FGF2: variants seen among roughly 807,000 people sequenced by gnomAD.
FGF2 encodes basic fibroblast growth factor bFGF.
Under a neutral mutation model 15.9 loss-of-function variants are expected in FGF2, and 13 were observed. The observed-to-expected ratio is 0.82, with a 90% CI of 0.53 to 1.30. The LOEUF (loss-of-function observed/expected upper bound fraction) is 1.30, where lower values mean the gene tolerates loss of function less well. FGF2 is among the 50% of genes most tolerant of loss of function. The probability of loss-of-function intolerance (pLI) is 0.00; values close to 1 mark genes in which losing one functional copy is unlikely to be tolerated. For missense variants in FGF2, 163 were observed against 196.9 expected (o/e 0.83, Z 1.03); for synonymous variants, 90 against 78.4 (o/e 1.15, Z -0.78).
chr4:122,866,371 A>AG (rs1330369534), intron 1 of FGF2, among the ~76,000 whole-genome samples: 1 of 143,890 alleles, frequency 6.9e-6, no homozygotes, highest in Non-Finnish European at 1.5e-5. Flanking sequence ...CCGTCTCAAA[A>AG]AAAAAAAAAA....
At chr4:122,878,362 T>C (rs1205972195) in intron 2 of FGF2, among the ~76,000 whole-genome samples, 1 of 152,054 alleles carries the variant, frequency 6.6e-6, no homozygotes, top group Non-Finnish European at 1.5e-5. Context: ...GAAATTGAGA[T>C]GAAGGTATAG....
chr4:122,831,073 A>T (rs961090262), intron 1 of FGF2, among the ~76,000 whole-genome samples: 26 of 152,182 alleles, frequency 1.7e-4, no homozygotes, highest in Admixed American at 1.4e-3. Context: ...TTGTGAAATC[A>T]AAGGGAGGCT....
intron 1 of FGF2, among the ~76,000 whole-genome samples, chr4:122,839,888 C>T (rs945409816): frequency 2.0e-5 from 3 of 152,150 alleles, no homozygotes; most frequent in African/African-American, 7.2e-5. Flanking sequence ...GTTCTGGAGG[C>T]TGGAAGTCCA....
rs1487782235 is a variant in FGF2 at position 122,883,654 on chromosome 4, G to A, written c.282+7230G>A. Among the ~76,000 whole-genome samples the A allele has an allele frequency of 2.6e-5, 4 of 152,178 alleles. No individual in the cohort carries two copies. In the East Asian group the frequency reaches 5.8e-4, roughly 22 times the overall value. ...CAGATTTTTAAGAAAATTGCATAAA[G>A]TGAAGTTAATTGTAGTTTTAAGTTT... On this transcript the variant is annotated intron_variant, in intron 2 of 2. Transcript: ENST00000644866.
chr4:122,876,592 G>A (rs1360673031), intron 2 of FGF2, among the ~76,000 whole-genome samples, 168 bp downstream of exon 2: 2 of 152,150 alleles, frequency 1.3e-5, no homozygotes, highest in African/African-American at 2.4e-5. Context: ...AAAAACTGAT[G>A]TGCTGAGGGA....
At chr4:122,854,603 C>T (rs1389480914) in intron 1 of FGF2, among the ~76,000 whole-genome samples, 1 of 152,210 alleles carries the variant, frequency 6.6e-6, no homozygotes, top group Non-Finnish European at 1.5e-5. Context: ...TGAAGACTTT[C>T]AGGCAAAGGA....
chr4:122,868,432 C>T (rs1330698067), intron 1 of FGF2, among the ~76,000 whole-genome samples: 2 of 152,118 alleles, frequency 1.3e-5, no homozygotes, highest in Non-Finnish European at 2.9e-5. Flanking sequence ...CATCCATGTC[C>T]CTGCAAAAGA....
At chr4:122,860,035 G>A (rs1726428707) in intron 1 of FGF2, among the ~76,000 whole-genome samples, 2 of 152,112 alleles carry the variant, frequency 1.3e-5, no homozygotes, top group Non-Finnish European at 1.5e-5. Flanking sequence ...GACCACTCTT[G>A]TGGGGTTTCA....
chr4:122,842,875 G>A (rs956222452), intron 1 of FGF2, among the ~76,000 whole-genome samples: 1 of 152,018 alleles, frequency 6.6e-6, no homozygotes, highest in East Asian at 1.9e-4. Context: ...AAAGTTTTTT[G>A]TTTTGGTATA....
chr4:122,847,911 C>T (rs538120786), intron 1 of FGF2, among the ~76,000 whole-genome samples: 13 of 152,222 alleles, frequency 8.5e-5, no homozygotes, highest in Admixed American at 3.9e-4. Flanking sequence ...TACTCAAAGT[C>T]CACTGATTCA....
chr4:122,879,940 AC>A (rs1726928499), intron 2 of FGF2, among the ~76,000 whole-genome samples: 1 of 152,068 alleles, frequency 6.6e-6, no homozygotes, highest in African/African-American at 2.4e-5. Context: ...ATATCATTCC[AC>A]CCCTGGCCCC....
chr4:122,897,573 A>G lies in FGF2; in HGVS notation c.*5177A>G, dbSNP rs369016432. The G allele has an allele frequency of 5.7e-5, 72 of 1,267,896 alleles. No individual in the cohort carries two copies. Among genetic ancestry groups the G allele is most frequent in the Non-Finnish European group, 7.4e-5 (64 of 865,692 alleles). 78.5% of individuals were successfully genotyped at this position (1,267,896 alleles called of 1,614,324 possible). ...AGCTATAAAGCAAGAAAGTAAACAC[A>G]TTAATTTCCTCAACATTTTTAAGCC... On this transcript the variant is annotated 3_prime_UTR_variant, in exon 3 of 3. Coordinates refer to ENST00000644866, the MANE Select transcript of FGF2 (RefSeq NM_001361665.2).
intron 1 of FGF2, among the ~76,000 whole-genome samples, chr4:122,849,082 T>G (rs1256896368): frequency 2.0e-5 from 3 of 152,182 alleles, no homozygotes; most frequent in Non-Finnish European, 4.4e-5. Context: ...GCTTCTCCAC[T>G]TTGAAGCTAA....
In FGF2 at chr4:122,878,610, T is replaced by C. The variant is rs1351662210; in HGVS notation, c.282+2186T>C. On this transcript the variant is annotated intron_variant, in intron 2 of 2. Coordinates refer to ENST00000644866, the MANE Select transcript of FGF2 (RefSeq NM_001361665.2). ...CCATGAAGAGTTTTAAGAAGAGATC[T>C]AATTAGATTTAAATTTGAGAAAGAT... Among the ~76,000 whole-genome samples the C allele has an allele frequency of 2.6e-5, 4 of 152,152 alleles. No homozygotes were observed. The East Asian group carries it at 7.7e-4, about 29-fold the overall frequency.
At chr4:122,836,790 T>C (rs1405736004) in intron 1 of FGF2, among the ~76,000 whole-genome samples, 2 of 152,258 alleles carry the variant, frequency 1.3e-5, no homozygotes, top group Non-Finnish European at 2.9e-5. Flanking sequence ...TGTAGTTCTT[T>C]TCTGCAAACA....
At chr4:122,872,392 C>T (rs1005378588) in intron 1 of FGF2, among the ~76,000 whole-genome samples, 6 of 152,184 alleles carry the variant, frequency 3.9e-5, no homozygotes, top group African/African-American at 1.4e-4. Flanking sequence ...ACCGAACCTA[C>T]TATCGATTGG....
intron 2 of FGF2, among the ~76,000 whole-genome samples, chr4:122,880,316 G>A (rs570097901): frequency 1.4e-4 from 21 of 147,920 alleles, no homozygotes; most frequent in African/African-American, 5.1e-4. Context: ...GCATGATCTC[G>A]GCTCACTGCA....
rs754935265 is a variant in FGF2, at chr4:122,895,802, T to G, written c.*3406T>G. On this transcript the variant is annotated 3_prime_UTR_variant, in exon 3 of 3. Transcript: ENST00000644866. The stretch of plus-strand genomic sequence containing the variant: ...CAAACAAATGTGTTTCCCAGTTAAC[T>G]AGGGTTTACTGTTTGAGCCAATATA... 13 of 152,234 alleles carry G rather than the reference T, an allele frequency of 8.5e-5. No individual in the cohort carries two copies. Among genetic ancestry groups the G allele is most frequent in the Admixed American group, 1.3e-4 (2 of 15,290 alleles). The allele number at this position is 152,234 out of a possible 1,614,324, so 9.4% of individuals were successfully genotyped here.
chr4:122,858,564 G>A (rs887824460), intron 1 of FGF2, among the ~76,000 whole-genome samples: 1 of 151,880 alleles, frequency 6.6e-6, no homozygotes, highest in Non-Finnish European at 1.5e-5. Context: ...TGCCTGGCTA[G>A]TTTTTTGTAT....
Sources: allele counts gnomAD v4.1 joint callset (sites outside exome capture counted in the v4.1 genomes callset), GRCh38; gene constraint gnomAD v4.1.1; transcripts MANE v1.5; gene names NCBI Gene and HGNC (gene_info 2026-07-23, HGNC 2026-07-21).